The following WHRN variants were observed in gnomAD, a reference collection of about 807,000 sequenced individuals.
WHRN encodes CASK-interacting protein CIP98.
In WHRN, 41 loss-of-function variants were observed where a neutral mutation model predicts 68.3. The ratio of observed to expected loss-of-function variants is 0.60; its 90% CI spans 0.47 to 0.78. The LOEUF (loss-of-function observed/expected upper bound fraction) is 0.78, where lower values mean the gene tolerates loss of function less well. Ranked by LOEUF, WHRN falls within the 30% of genes least tolerant of loss-of-function variation. The probability of loss-of-function intolerance (pLI) is 0.00; values close to 1 mark genes in which losing one functional copy is unlikely to be tolerated. For missense variants in WHRN, 1,243 were observed against 1,244.7 expected (o/e 1.00, Z 0.02); for synonymous variants, 560 against 561.3 (o/e 1.00, Z 0.03).
chr9:114,430,247 T>C (rs2132457462), intron 3 of WHRN, among the ~76,000 whole-genome samples: 1 of 152,320 alleles, frequency 6.6e-6, no homozygotes, highest in Admixed American at 6.5e-5. Context: ...TGGCCTTCTA[T>C]GAGGCTGGGG....
At chr9:114,405,627 C>G (rs532373121) in intron 9 of WHRN, among the ~76,000 whole-genome samples, 1 of 152,354 alleles carries the variant, frequency 6.6e-6, no homozygotes, top group East Asian at 1.9e-4. Flanking sequence ...ACCACGTCTG[C>G]CTGCTCTCCC....
intron 7 of WHRN, among the ~76,000 whole-genome samples, chr9:114,418,221 G>A (rs1234696061): frequency 6.6e-6 from 1 of 152,100 alleles, no homozygotes; most frequent in East Asian, 1.9e-4. Context: ...GAGGAAGGGT[G>A]AGCAAAAGGC....
At chr9:114,457,915 A>T (rs1156967531) in intron 3 of WHRN, among the ~76,000 whole-genome samples, 2 of 9,766 alleles carry the variant, frequency 2.0e-4, no homozygotes, top group Non-Finnish European at 4.9e-4. Context: ...GACTCTGTTC[A>T]AAAAAAAAAA....
chr9:114,431,687 G>A (rs997901994), intron 3 of WHRN, among the ~76,000 whole-genome samples: 1 of 152,210 alleles, frequency 6.6e-6, no homozygotes, highest in Non-Finnish European at 1.5e-5. Context: ...AGCTCTGTTT[G>A]TTTGTTCATT....
chr9:114,441,823 G>C (rs1299323375), intron 3 of WHRN, among the ~76,000 whole-genome samples: 1 of 152,076 alleles, frequency 6.6e-6, no homozygotes, highest in Non-Finnish European at 1.5e-5. Flanking sequence ...AAAACTAGTA[G>C]GTAAATTTTG....
At chr9:114,474,608 T>C (rs1412696559) in intron 2 of WHRN, among the ~76,000 whole-genome samples, 3 of 152,146 alleles carry the variant, frequency 2.0e-5, no homozygotes, top group Non-Finnish European at 4.4e-5. Flanking sequence ...CTGCCACATG[T>C]CCAAACCTAA....
At chr9:114,431,949 C>T (rs1047260066) in intron 3 of WHRN, among the ~76,000 whole-genome samples, 1 of 152,166 alleles carries the variant, frequency 6.6e-6, no homozygotes, top group African/African-American at 2.4e-5. Flanking sequence ...TGGGACAGGA[C>T]GTGCTGGAGA....
chr9:114,434,523 C>CTTCTCCGATT lies in WHRN; in HGVS notation c.964-8111_964-8110insAATCGGAGAA, dbSNP rs1564149812. On this transcript the variant is annotated intron_variant, in intron 3 of 11. Transcript: ENST00000362057. ...ACACAGCCCCAGATCAAACCCCTGA[C>CTTCTCCGATT]CTTTCCTCCAAGCCTGGTCCTTCTC... Among the ~76,000 whole-genome samples the CTTCTCCGATT allele has an allele frequency of 1.8e-3, 271 of 152,228 alleles. 1 individual carries two copies. Among genetic ancestry groups the CTTCTCCGATT allele is most frequent in the African/African-American group, 6.4e-3 (266 of 41,486 alleles).
In WHRN at chr9:114,423,478, G is replaced by C; in HGVS notation, c.1462C>G (p.Leu488Val). Reference protein sequence around the residue: ...EVRGTISPQDLERFDHLVLRR... With the variant: ...EVRGTISPQDVERFDHLVLRR... ...AGCACCAGGTGGTCGAAGCGTTCTAGGTCTTGCGGGGAAATGGTGCCTCTC... is the reference window on the plus strand; with the variant it reads ...AGCACCAGGTGGTCGAAGCGTTCTACGTCTTGCGGGGAAATGGTGCCTCTC... Residue 488 changes from leucine (L) to valine (V), a missense_variant, in exon 7 of 12, where the codon CTA becomes GTA. By Grantham distance (32) the Leu-to-Val change is conservative (BLOSUM62 1). Coordinates refer to ENST00000362057, the MANE Select transcript of WHRN (RefSeq NM_015404.4). 6.2e-7 allele frequency: 1 copy of C among 1,612,772 alleles called. No individual in the cohort carries two copies. Among genetic ancestry groups the C allele is most frequent in the Non-Finnish European group, 8.5e-7 (1 of 1,178,886 alleles).
chr9:114,416,349 A>G lies in WHRN; in HGVS notation c.1626+6965T>C, dbSNP rs953159056. ...TCCCCTTTTCTCTACAATGCTCTGC[A>G]GTGCCTGAAATGCTTTGGCTATGTA... On this transcript the variant is annotated intron_variant, in intron 7 of 11. Coordinates refer to ENST00000362057, the MANE Select transcript of WHRN (RefSeq NM_015404.4). Among the ~76,000 whole-genome samples, 51 of 152,232 alleles carry G rather than the reference A, an allele frequency of 3.4e-4. 2 individuals are homozygous for G. Among genetic ancestry groups the G allele is most frequent in the Non-Finnish European group, 4.4e-5 (3 of 68,038 alleles).
intron 1 of WHRN, among the ~76,000 whole-genome samples, chr9:114,492,190 CA>C (rs1048424890): frequency 1.3e-5 from 2 of 151,922 alleles, no homozygotes; most frequent in African/African-American, 4.8e-5. Flanking sequence ...AGGGAATATA[CA>C]AAACAAATTC....
intron 1 of WHRN, among the ~76,000 whole-genome samples, chr9:114,487,377 A>G (rs200520349): frequency 8.2e-6 from 1 of 122,482 alleles, no homozygotes; most frequent in Non-Finnish European, 1.7e-5. Context: ...TCATCTGATT[A>G]CATAAATCAA....
chr9:114,423,358 A>G lies in WHRN; in HGVS notation c.1582T>C (p.Ser528Pro). The change falls in exon 7 of 12, where the codon TCC becomes CCC. Residue 528 changes from serine (S) to proline (P), a missense_variant. By Grantham distance (74) the Ser-to-Pro change is moderately conservative. Transcript: ENST00000362057. ...GTGGAGGTGCCGTGGCTGCCTGTGG[A>G]TGAACCCGTGTCACTGTAGGAGACC... is the stretch of plus-strand genomic sequence containing the variant. The part of the protein sequence containing the change: ...SMVSYSDTGS[S>P]TGSHGTSTTV... 1 of 1,613,914 alleles carries G rather than the reference A, an allele frequency of 6.2e-7. No individual in the cohort carries two copies. Among genetic ancestry groups the G allele is most frequent in the Non-Finnish European group, 8.5e-7 (1 of 1,179,948 alleles).
intron 3 of WHRN, among the ~76,000 whole-genome samples, chr9:114,452,880 A>C (rs1274093605): frequency 6.6e-6 from 1 of 152,078 alleles, no homozygotes; most frequent in Non-Finnish European, 1.5e-5. Flanking sequence ...GGCTGAGAGA[A>C]GGGCCCAGAG....
In WHRN at chr9:114,488,026, C is replaced by T. The variant is rs868569741; in HGVS notation, c.619-9255G>A. Among the ~76,000 whole-genome samples, 4 of 152,314 alleles carry T rather than the reference C, an allele frequency of 2.6e-5. No homozygotes were observed. In the South Asian group the frequency reaches 8.3e-4, roughly 32 times the overall value. On this transcript the variant is annotated intron_variant, in intron 1 of 11. Transcript: ENST00000362057. ...GCACTGCAAAGCACCAAAATGAAAA[C>T]GGTAACCTGGTGGTGTCTTAGGGTG...
At chr9:114,414,920 G>C (rs573495730) in intron 7 of WHRN, among the ~76,000 whole-genome samples, 3 of 152,260 alleles carry the variant, frequency 2.0e-5, no homozygotes, top group Admixed American at 2.0e-4. Context: ...AGGTCATCTG[G>C]ACAGGAACAA....
chr9:114,414,788 C>G (rs1477280969), intron 7 of WHRN, among the ~76,000 whole-genome samples: 1 of 152,210 alleles, frequency 6.6e-6, no homozygotes, highest in African/African-American at 2.4e-5. Flanking sequence ...CTGGAAGGTG[C>G]AGGGGGCACA....
intron 2 of WHRN, among the ~76,000 whole-genome samples, chr9:114,476,421 G>A (rs1841655487): frequency 6.6e-6 from 1 of 151,896 alleles, no homozygotes; most frequent in Non-Finnish European, 1.5e-5. Flanking sequence ...GTCCCCGAAT[G>A]GCACATGGCA....
intron 3 of WHRN, among the ~76,000 whole-genome samples, chr9:114,445,715 C>T: frequency 6.6e-6 from 1 of 152,096 alleles, no homozygotes. Context: ...TTTATCTCAC[C>T]CAGTCCGTTC....
Sources: allele counts gnomAD v4.1 joint callset (sites outside exome capture counted in the v4.1 genomes callset), GRCh38; gene constraint gnomAD v4.1.1; transcripts MANE v1.5; gene names NCBI Gene and HGNC (gene_info 2026-07-23, HGNC 2026-07-21).